EVI5: variants seen among roughly 807,000 people sequenced by gnomAD.
EVI5 encodes the protein ecotropic viral integration site 5 protein homolog.
EVI5 carries 73 observed loss-of-function variants against 112.0 expected under a neutral mutation model. The observed-to-expected ratio is 0.65, with a 90% CI of 0.54 to 0.79. EVI5 has a LOEUF of 0.79. Ranked by LOEUF, EVI5 falls within the 30% of genes least tolerant of loss-of-function variation. The pLI, the probability that EVI5 is intolerant of heterozygous loss-of-function variation, is 0.00. For synonymous variants in EVI5, 305 were observed against 319.9 expected (o/e 0.95, Z 0.50); for missense variants, 900 against 968.8 (o/e 0.93, Z 0.94).
intron 18 of EVI5, among the ~76,000 whole-genome samples, chr1:92,566,126 C>T (rs1019531891): frequency 1.3e-5 from 2 of 152,008 alleles, no homozygotes; most frequent in African/African-American, 2.4e-5. Context: ...TTCCTAAAAA[C>T]TCCCTGTTTT....
chr1:92,788,460 TGA>T (rs1383395538), upstream of EVI5, among the ~76,000 whole-genome samples: 2 of 129,732 alleles, frequency 1.5e-5, no homozygotes, highest in Admixed American at 7.9e-5. Context: ...GGTGACAGAG[TGA>T]GAGACTCCAT....
At chr1:92,589,515 T>C (rs1293664338) in intron 18 of EVI5, among the ~76,000 whole-genome samples, 1 of 152,134 alleles carries the variant, frequency 6.6e-6, no homozygotes, top group Non-Finnish European at 1.5e-5. Flanking sequence ...GTCTCGCTCA[T>C]TGCTAGCACA....
chr1:92,692,106 G>C (rs538950628), intron 9 of EVI5, among the ~76,000 whole-genome samples: 1 of 152,250 alleles, frequency 6.6e-6, no homozygotes, highest in East Asian at 1.9e-4. Flanking sequence ...TCAGAAGAAG[G>C]CTTTTAAACC....
chr1:92,776,064 C>A (rs1425472373), intron 1 of EVI5, among the ~76,000 whole-genome samples: 2 of 149,570 alleles, frequency 1.3e-5, no homozygotes, highest in Non-Finnish European at 1.5e-5. Flanking sequence ...GCCAAAATTG[C>A]GCCACTGCAC....
intron 10 of EVI5, among the ~76,000 whole-genome samples, chr1:92,673,530 C>T (rs1470758076): frequency 2.0e-5 from 3 of 151,928 alleles, no homozygotes; most frequent in African/African-American, 4.8e-5. Flanking sequence ...TGGGGTCTTG[C>T]TATGTTGTCC....
intron 19 of EVI5, among the ~76,000 whole-genome samples, chr1:92,548,395 T>C (rs1433011269): frequency 6.6e-6 from 1 of 152,224 alleles, no homozygotes; most frequent in Admixed American, 6.5e-5. Flanking sequence ...AATATCATAC[T>C]GAATGGACAA....
intron 2 of EVI5, among the ~76,000 whole-genome samples, chr1:92,726,276 A>T (rs1675560139): frequency 6.6e-6 from 1 of 152,202 alleles, no homozygotes; most frequent in Non-Finnish European, 1.5e-5. Context: ...GCTTAAAACC[A>T]GTGATAAAGC....
chr1:92,557,427 G>C (rs1426869204), intron 19 of EVI5, among the ~76,000 whole-genome samples: 1 of 151,908 alleles, frequency 6.6e-6, no homozygotes, highest in Non-Finnish European at 1.5e-5. Context: ...GGGGTTACAG[G>C]CACGCACCAC....
At chr1:92,527,517 G>T (rs1343615090) in intron 19 of EVI5, among the ~76,000 whole-genome samples, 1 of 151,634 alleles carries the variant, frequency 6.6e-6, no homozygotes, top group Non-Finnish European at 1.5e-5. Flanking sequence ...AAAATGTACA[G>T]ATTTTATGTG....
chr1:92,741,660 T>C (rs376205903), intron 1 of EVI5, among the ~76,000 whole-genome samples: 1 of 152,212 alleles, frequency 6.6e-6, no homozygotes. Context: ...TGTTTTATAA[T>C]ATAAAGGCTG....
At chr1:92,765,339 G>A (rs1682463514) in intron 1 of EVI5, among the ~76,000 whole-genome samples, 1 of 149,008 alleles carries the variant, frequency 6.7e-6, no homozygotes, top group African/African-American at 2.5e-5. Context: ...ATGGGCGTGA[G>A]CCACCAAGAC....
chr1:92,646,458 C>T (rs1039230247), intron 13 of EVI5, among the ~76,000 whole-genome samples: 1 of 152,148 alleles, frequency 6.6e-6, no homozygotes, highest in East Asian at 1.9e-4. Flanking sequence ...GTTATATTAC[C>T]GTTTGTAGAA....
At chr1:92,717,654 A>G (rs1252236228) in intron 2 of EVI5, among the ~76,000 whole-genome samples, 3 of 152,214 alleles carry the variant, frequency 2.0e-5, no homozygotes, top group Non-Finnish European at 2.9e-5. Context: ...CAAAATAACC[A>G]GCTAGCATCA....
At chr1:92,786,330 A>T (rs547265049), upstream of EVI5, among the ~76,000 whole-genome samples, 2 of 152,160 alleles carry the variant, frequency 1.3e-5, no homozygotes, top group African/African-American at 4.8e-5. Flanking sequence ...CCAGCTAAAA[A>T]CTTTGAAAAC....
intron 19 of EVI5, among the ~76,000 whole-genome samples, chr1:92,519,342 A>G (rs1037517250): frequency 1.3e-5 from 2 of 152,094 alleles, no homozygotes; most frequent in African/African-American, 4.8e-5. Context: ...CAGTCAGAAG[A>G]AAGATTTCTT....
chr1:92,659,555 C>T (rs1467214327), intron 13 of EVI5, among the ~76,000 whole-genome samples: 7 of 152,040 alleles, frequency 4.6e-5, no homozygotes, highest in Non-Finnish European at 8.8e-5. Context: ...CATCTTACAC[C>T]AGTCAGAATG....
At chr1:92,771,107 C>A (rs1252289589) in intron 1 of EVI5, among the ~76,000 whole-genome samples, 1 of 152,004 alleles carries the variant, frequency 6.6e-6, no homozygotes, top group Non-Finnish European at 1.5e-5. Flanking sequence ...AGAGCCACAG[C>A]GCCTGGCGAG....
intron 16 of EVI5, among the ~76,000 whole-genome samples, chr1:92,621,281 A>G (rs2101746260): frequency 6.6e-6 from 1 of 152,310 alleles, no homozygotes; most frequent in African/African-American, 2.4e-5. Flanking sequence ...CTTGACAGCA[A>G]AAGAAACTAT....
chr1:92,774,179 C>G (rs962340636), intron 1 of EVI5, among the ~76,000 whole-genome samples: 3 of 152,068 alleles, frequency 2.0e-5, no homozygotes, highest in African/African-American at 7.2e-5. Context: ...ATGACTTATC[C>G]CCAAAATTCA....
Sources: allele counts gnomAD v4.1 joint callset (sites outside exome capture counted in the v4.1 genomes callset), GRCh38; gene constraint gnomAD v4.1.1; transcripts MANE v1.5; gene names NCBI Gene and HGNC (gene_info 2026-07-23, HGNC 2026-07-21).